Variants in PCDHA1 observed in about 807,000 individuals in gnomAD.
PCDHA1 encodes the protein protocadherin alpha 1, also known as protocadherin alpha-1.
A neutral mutation model predicts 61.3 loss-of-function variants in PCDHA1; 42 were observed. That is an observed-to-expected ratio of 0.69 (90% CI 0.54 to 0.89). The LOEUF (loss-of-function observed/expected upper bound fraction) is 0.89. PCDHA1 is among the 40% of genes least tolerant of loss of function. The pLI is 0.00. For missense variants in PCDHA1, 1,256 were observed against 1,235.3 expected, an observed-to-expected ratio of 1.02 and a Z score of -0.25; for synonymous variants, 610 against 553.8, an observed-to-expected ratio of 1.10 and a Z score of -1.43.
intron 1 of PCDHA1, chr5:140,830,417 C>T: frequency 1.2e-6 from 2 of 1,614,096 alleles, no homozygotes; most frequent in Non-Finnish European, 1.7e-6. Flanking sequence ...TAGCCCCAGC[C>T]TTTCACCTTG....
chr5:140,943,094 TA>T lies in PCDHA1; in HGVS notation c.2395-35849del, dbSNP rs546939375. Among the ~76,000 whole-genome samples, 19 of 151,404 alleles carry T rather than the reference TA, an allele frequency of 1.3e-4. No individual in the cohort carries two copies. In the East Asian group the frequency reaches 3.7e-3, roughly 29 times the overall value. On this transcript the variant is annotated intron_variant, in intron 1 of 3. Coordinates refer to ENST00000504120, the MANE Select transcript of PCDHA1 (RefSeq NM_018900.4). ...CAACATGGTGAAATCCTGCCTCTAC[TA>T]AAAAATACAAAAATTAGCCAGGTGT... is the stretch of plus-strand genomic sequence containing the variant.
chr5:141,001,559 G>A (rs1277713814), intron 3 of PCDHA1, among the ~76,000 whole-genome samples: 1 of 152,190 alleles, frequency 6.6e-6, no homozygotes, highest in Non-Finnish European at 1.5e-5. Context: ...TTCAGACCAC[G>A]ATTCTCCTGT....
At chr5:140,856,346 GAGTGC>G in intron 1 of PCDHA1, 1 of 1,598,632 alleles carries the variant, frequency 6.3e-7, no homozygotes, top group South Asian at 1.1e-5. Context: ...GCGGAGCGTG[GAGTGC>G]AGCATCCACC....
At chr5:140,844,954 C>T (rs1258176227) in intron 1 of PCDHA1, among the ~76,000 whole-genome samples, 1 of 149,088 alleles carries the variant, frequency 6.7e-6, no homozygotes, top group African/African-American at 2.5e-5. Flanking sequence ...ACTCTGAATT[C>T]TTACAGTTTG....
rs549880473 is a variant in PCDHA1, at chr5:140,972,926, T to C, written c.2395-6023T>C. Among the ~76,000 whole-genome samples the C allele has an allele frequency of 9.2e-5, 14 of 152,264 alleles. No individual in the cohort carries two copies. The East Asian group carries it at 2.7e-3, about 29-fold the overall frequency. On this transcript the variant is annotated intron_variant, in intron 1 of 3. Coordinates refer to ENST00000504120, the MANE Select transcript of PCDHA1 (RefSeq NM_018900.4). ...ATCCACCCGCCTTGGCCTCCCAAAG[T>C]GCTGGGATTACAGATGTGAGCCACC...
intron 1 of PCDHA1, among the ~76,000 whole-genome samples, chr5:140,908,277 T>C (rs2073893618): frequency 6.6e-6 from 1 of 152,162 alleles, no homozygotes; most frequent in Non-Finnish European, 1.5e-5. Context: ...CATGAGGCCA[T>C]TGTTGCAAGC....
intron 1 of PCDHA1, chr5:140,883,818 T>A (rs1349664661): frequency 6.2e-7 from 1 of 1,612,072 alleles, no homozygotes; most frequent in African/African-American, 1.3e-5. Flanking sequence ...AGCGGCAAGG[T>A]GTACGCGCTG....
chr5:140,965,855 T>G (rs961780781), intron 1 of PCDHA1, among the ~76,000 whole-genome samples: 1 of 152,226 alleles, frequency 6.6e-6, no homozygotes, highest in African/African-American at 2.4e-5. Context: ...AGGCACACAC[T>G]GAAAATAAGG....
At chr5:140,880,045 G>A (rs1345443297) in intron 1 of PCDHA1, among the ~76,000 whole-genome samples, 2 of 152,164 alleles carry the variant, frequency 1.3e-5, no homozygotes, top group Admixed American at 6.5e-5. Flanking sequence ...GGATTAAGAT[G>A]TGGGCATAAC....
chr5:140,856,312 G>C, intron 1 of PCDHA1: 1 of 1,598,632 alleles, frequency 6.3e-7, no homozygotes, highest in Non-Finnish European at 8.6e-7. Context: ...TGAATTCTCG[G>C]ATTGACCGCG....
At chr5:140,799,100 T>G (rs1387652945) in intron 1 of PCDHA1, among the ~76,000 whole-genome samples, 1 of 152,190 alleles carries the variant, frequency 6.6e-6, no homozygotes, top group Non-Finnish European at 1.5e-5. Context: ...CTATAAGTTT[T>G]TTCAAAACAT....
At chr5:140,795,547 G>T in intron 1 of PCDHA1, 2 of 1,614,094 alleles carry the variant, frequency 1.2e-6, no homozygotes, top group Non-Finnish European at 1.7e-6. Flanking sequence ...TTTGTCTCTC[G>T]TGCTGGGGAA....
chr5:140,808,474 C>T, intron 1 of PCDHA1: 1 of 1,614,152 alleles, frequency 6.2e-7, no homozygotes. Context: ...CCGCGCGAGA[C>T]GGGGGCTCGC....
chr5:140,952,841 C>T (rs2094805193), intron 1 of PCDHA1, among the ~76,000 whole-genome samples: 1 of 152,102 alleles, frequency 6.6e-6, no homozygotes, highest in South Asian at 2.1e-4. Context: ...TGGCCATCTG[C>T]TTGTCTTCTG....
At position 140,858,448 on chromosome 5, in the gene PCDHA1, C is replaced by G. The variant is rs1554151646; in HGVS notation, c.2394+69764C>G. The G allele has an allele frequency of 1.3e-6, 2 of 1,532,196 alleles. 1 individual carries two copies. The highest frequency in any genetic ancestry group is 2.8e-5 in the African/African-American group (2 of 72,594). 94.9% of individuals were successfully genotyped at this position (1,532,196 alleles called of 1,614,324 possible). ...ACCACTCTAGGAAGGTGGGTTATTA[C>G]GTTTTCATTTTCCTTTTGTGCTTTA... On this transcript the variant is annotated intron_variant, in intron 1 of 3. Transcript: ENST00000504120.
chr5:140,854,665 T>C (rs2043184095), intron 1 of PCDHA1: 1 of 150,092 alleles, frequency 6.7e-6, no homozygotes, highest in Non-Finnish European at 1.5e-5. Context: ...AATTAACCCT[T>C]GCATAAGACC....
intron 1 of PCDHA1, among the ~76,000 whole-genome samples, chr5:140,959,874 A>G (rs1360001985): frequency 1.3e-5 from 2 of 152,236 alleles, no homozygotes; most frequent in Non-Finnish European, 2.9e-5. Flanking sequence ...AAATCTGTCA[A>G]GGAATACACG....
rs782344407 is a variant in PCDHA1 at position 140,928,808 on chromosome 5, G to T, written c.2395-50141G>T. 3.7e-6 allele frequency: 6 copies of T among 1,614,062 alleles called. No homozygotes were observed. In the Admixed American group the frequency reaches 1.0e-4, roughly 27 times the overall value. The stretch of plus-strand genomic sequence containing the variant: ...AAGCAGAGGGTGGTGGTAGTGGTTC[G>T]GGACCATGGAGACCCACCACTTTCC... On this transcript the variant is annotated intron_variant, in intron 1 of 3. Coordinates refer to ENST00000504120, the MANE Select transcript of PCDHA1 (RefSeq NM_018900.4).
chr5:140,796,573 G>T (rs782549196), intron 1 of PCDHA1: 5 of 1,613,202 alleles, frequency 3.1e-6, no homozygotes, highest in Non-Finnish European at 4.2e-6. Context: ...CCAGGTGAGC[G>T]CGCGGGATGC....
Sources: gnomAD v4.1 joint callset for allele counts (sites outside exome capture counted in the v4.1 genomes callset) on GRCh38, gnomAD v4.1.1 for gene constraint, MANE v1.5 for transcripts, NCBI Gene and HGNC (gene_info 2026-07-23, HGNC 2026-07-21) for gene names.